The following SUPT3H variants were observed in gnomAD, a reference collection of about 807,000 sequenced individuals.
SUPT3H encodes the protein transcription initiation protein SPT3 homolog.
A neutral mutation model predicts 44.3 loss-of-function variants in SUPT3H; 44 were observed. That is an observed-to-expected ratio of 0.99 (90% CI 0.78 to 1.28). The LOEUF (loss-of-function observed/expected upper bound fraction) is 1.28, where lower values mean the gene tolerates loss of function less well. SUPT3H is among the 50% of genes most tolerant of loss of function. The pLI, the probability that SUPT3H is intolerant of heterozygous loss-of-function variation, is 0.00. For missense variants in SUPT3H, 380 were observed against 387.1 expected (o/e 0.98, Z 0.15); for synonymous variants, 124 against 125.6 (o/e 0.99, Z 0.09).
intron 10 of SUPT3H, among the ~76,000 whole-genome samples, chr6:44,870,773 G>T (rs542513648): frequency 8.0e-5 from 12 of 150,828 alleles, no homozygotes; most frequent in Middle Eastern, 3.4e-3. Context: ...GAGAGTGGGC[G>T]CAGGCCAGTG....
At chr6:45,191,628 T>C (rs937105660) in intron 2 of SUPT3H, among the ~76,000 whole-genome samples, 1 of 152,062 alleles carries the variant, frequency 6.6e-6, no homozygotes, top group African/African-American at 2.4e-5. Flanking sequence ...GGGTGGCAGG[T>C]AGGAACTCTG....
At chr6:45,132,959 T>G in intron 2 of SUPT3H, among the ~76,000 whole-genome samples, 1 of 152,194 alleles carries the variant, frequency 6.6e-6, no homozygotes, top group South Asian at 2.1e-4. Context: ...TAGGTCTGTC[T>G]GAGTACACAT....
At chr6:44,870,939 C>A (rs1704013691) in intron 10 of SUPT3H, among the ~76,000 whole-genome samples, 1 of 151,776 alleles carries the variant, frequency 6.6e-6, no homozygotes, top group East Asian at 2.0e-4. Flanking sequence ...GCTTTTCAGA[C>A]CGGCTTAAAA....
chr6:45,293,465 G>C lies in SUPT3H; in HGVS notation c.101+71736C>G, dbSNP rs563102665. Among the ~76,000 whole-genome samples the C allele has an allele frequency of 1.8e-3, 280 of 151,748 alleles. 1 individual carries two copies. The highest frequency in any genetic ancestry group is 6.3e-3 in the African/African-American group (259 of 41,408). On this transcript the variant is annotated intron_variant, in intron 2 of 10. Coordinates refer to ENST00000371459, the MANE Select transcript of SUPT3H (RefSeq NM_003599.4). ...GAACAAACCAAACCCAAGCCTTGCA[G>C]AAGAAAGTAAATAACCAAGATCAGA... is the stretch of plus-strand genomic sequence containing the variant.
chr6:45,313,570 A>G (rs1226010167), intron 2 of SUPT3H, among the ~76,000 whole-genome samples: 1 of 151,734 alleles, frequency 6.6e-6, no homozygotes, highest in African/African-American at 2.4e-5. Context: ...AGAAAATACA[A>G]CCCTGCTAGC....
chr6:45,196,666 T>C (rs1233074230), intron 2 of SUPT3H, among the ~76,000 whole-genome samples: 3 of 152,060 alleles, frequency 2.0e-5, no homozygotes, highest in Middle Eastern at 6.8e-3. Context: ...TGTTTAATTT[T>C]AAATTGACTG....
At chr6:45,332,674 G>GA (rs1341132341) in intron 2 of SUPT3H, among the ~76,000 whole-genome samples, 1 of 151,604 alleles carries the variant, frequency 6.6e-6, no homozygotes, top group African/African-American at 2.4e-5. Flanking sequence ...AGGATTCACC[G>GA]AAACAGTCTA....
intron 2 of SUPT3H, among the ~76,000 whole-genome samples, chr6:45,159,805 A>C (rs2153600561): frequency 6.6e-6 from 1 of 152,308 alleles, no homozygotes; most frequent in Non-Finnish European, 1.5e-5. Context: ...TAAAAGTAAA[A>C]TATTAATAAA....
At chr6:44,858,250 A>G (rs1448475616) in intron 10 of SUPT3H, among the ~76,000 whole-genome samples, 1 of 152,224 alleles carries the variant, frequency 6.6e-6, no homozygotes, top group East Asian at 1.9e-4. Context: ...GAAGCCAATA[A>G]ATATTCATTG....
At chr6:45,037,105 T>A (rs1362382534) in intron 3 of SUPT3H, among the ~76,000 whole-genome samples, 4 of 152,056 alleles carry the variant, frequency 2.6e-5, no homozygotes, top group Admixed American at 1.3e-4. Context: ...ATAATTATTG[T>A]GAGGAAAATA....
intron 6 of SUPT3H, among the ~76,000 whole-genome samples, chr6:44,968,075 G>A (rs140132230): frequency 2.8e-3 from 430 of 152,216 alleles, no homozygotes; most frequent in African/African-American, 9.6e-3. Flanking sequence ...TTACAGGCAT[G>A]AGCCACTGCA....
intron 2 of SUPT3H, among the ~76,000 whole-genome samples, chr6:45,251,476 G>A (rs923120555): frequency 6.6e-6 from 1 of 151,254 alleles, no homozygotes; most frequent in South Asian, 2.1e-4. Context: ...CTGAAAATTT[G>A]CTGTAATTCC....
At chr6:45,322,786 G>T in intron 2 of SUPT3H, 1 of 873,140 alleles carries the variant, frequency 1.1e-6, no homozygotes, top group Non-Finnish European at 1.9e-6. Flanking sequence ...AAGGCTGTGT[G>T]TGGTCTCGCC....
intron 2 of SUPT3H, among the ~76,000 whole-genome samples, chr6:45,195,263 G>C (rs1489580993): frequency 6.6e-6 from 1 of 152,094 alleles, no homozygotes; most frequent in Non-Finnish European, 1.5e-5. Flanking sequence ...TTATCTTACA[G>C]AAAAAGAGAG....
At chr6:45,248,786 G>A (rs748274952) in intron 2 of SUPT3H, among the ~76,000 whole-genome samples, 3 of 151,974 alleles carry the variant, frequency 2.0e-5, no homozygotes, top group Non-Finnish European at 2.9e-5. Context: ...ATGGTGGAGC[G>A]CACCTGTAGT....
chr6:45,158,139 C>G (rs945682832), intron 2 of SUPT3H, among the ~76,000 whole-genome samples: 1 of 144,900 alleles, frequency 6.9e-6, no homozygotes, highest in South Asian at 2.1e-4. Flanking sequence ...CAACCCCTAA[C>G]AGAGTCACTT....
At chr6:45,060,624 T>C (rs1381636324) in intron 3 of SUPT3H, among the ~76,000 whole-genome samples, 3 of 151,934 alleles carry the variant, frequency 2.0e-5, no homozygotes, top group Non-Finnish European at 4.4e-5. Context: ...GCTTCTGTAC[T>C]GCAAAGGAAA....
rs1160495201 is a variant in SUPT3H at position 45,088,257 on chromosome 6, G to A, written c.186+17665C>T. Among the ~76,000 whole-genome samples the A allele has an allele frequency of 2.6e-5, 4 of 152,158 alleles. No individual in the cohort carries two copies. The East Asian group carries it at 5.8e-4, about 22-fold the overall frequency. ...ATATTGGCAATAAAAAGTAGAGGTA[G>A]GAGAAATAGTGACAAAACTGTATAA... On this transcript the variant is annotated intron_variant, in intron 3 of 10. Transcript: ENST00000371459.
intron 2 of SUPT3H, among the ~76,000 whole-genome samples, chr6:45,278,058 T>G (rs1474304553): frequency 7.2e-6 from 1 of 139,212 alleles, no homozygotes; most frequent in African/African-American, 2.7e-5. Flanking sequence ...TTCTCACGCA[T>G]AAGTGGGAGT....
Sources: allele counts gnomAD v4.1 joint callset (sites outside exome capture counted in the v4.1 genomes callset), GRCh38; gene constraint gnomAD v4.1.1; transcripts MANE v1.5; gene names NCBI Gene and HGNC (gene_info 2026-07-23, HGNC 2026-07-21).